DLG2: variants seen among roughly 807,000 people sequenced by gnomAD.
DLG2 encodes disks large homolog 2.
A neutral mutation model predicts 132.5 loss-of-function variants in DLG2; 45 were observed. The ratio of observed to expected loss-of-function variants is 0.34; its 90% CI spans 0.27 to 0.44. The LOEUF (loss-of-function observed/expected upper bound fraction) is 0.44. DLG2 is among the 20% of genes least tolerant of loss of function. DLG2 has a pLI of 1.00. For missense variants in DLG2, 1,045 were observed against 1,196.9 expected (o/e 0.87, Z 1.87); for synonymous variants, 424 against 419.6 (o/e 1.01, Z -0.13).
At chr11:85,486,201 G>A (rs899297265) in intron 3 of DLG2, among the ~76,000 whole-genome samples, 5 of 152,070 alleles carry the variant, frequency 3.3e-5, no homozygotes, top group African/African-American at 1.2e-4. Context: ...AGGGAAAGAG[G>A]AGACCAGGCA....
intron 18 of DLG2, among the ~76,000 whole-genome samples, chr11:83,774,086 T>C (rs1296284418): frequency 2.6e-5 from 4 of 152,256 alleles, no homozygotes; most frequent in East Asian, 1.9e-4. Context: ...CCTCCTACAC[T>C]CCCCATCCCT....
chr11:85,116,686 G>A (rs2073635992), intron 5 of DLG2, among the ~76,000 whole-genome samples: 1 of 151,930 alleles, frequency 6.6e-6, no homozygotes, highest in African/African-American at 2.4e-5. Flanking sequence ...GTGGAAATAT[G>A]TGCACAAAAT....
chr11:85,486,378 GA>G (rs1212285341), intron 3 of DLG2, among the ~76,000 whole-genome samples: 1 of 152,164 alleles, frequency 6.6e-6, no homozygotes, highest in Non-Finnish European at 1.5e-5. Flanking sequence ...AGCCCACAGG[GA>G]ACATTCCACC....
At chr11:83,841,341 T>C (rs1456646678) in intron 16 of DLG2, among the ~76,000 whole-genome samples, 3 of 152,238 alleles carry the variant, frequency 2.0e-5, no homozygotes, top group Non-Finnish European at 4.4e-5. Flanking sequence ...CTGAAGGCTC[T>C]GTTACTAATC....
chr11:85,071,853 G>A (rs1025106087), intron 6 of DLG2, among the ~76,000 whole-genome samples: 1 of 151,774 alleles, frequency 6.6e-6, no homozygotes, highest in Non-Finnish European at 1.5e-5. Context: ...TCTCTCTTGT[G>A]TTCAGAAATG....
intron 11 of DLG2, among the ~76,000 whole-genome samples, chr11:84,050,498 G>A (rs1029504670): frequency 1.4e-4 from 21 of 151,822 alleles, no homozygotes; most frequent in African/African-American, 2.7e-4. Context: ...AGTTTCTTTC[G>A]CTGTGCAGAA....
At chr11:84,713,486 T>A (rs572695020) in intron 6 of DLG2, among the ~76,000 whole-genome samples, 1 of 152,104 alleles carries the variant, frequency 6.6e-6, no homozygotes, top group Non-Finnish European at 1.5e-5. Flanking sequence ...CTCCTTAATG[T>A]ACCAATTTTG....
In DLG2 at chr11:83,743,449, T is replaced by TCTTTTTTTTTTTTTTTTTA. The variant is rs1555372680; in HGVS notation, c.1825+43240_1825+43241insTAAAAAAAAAAAAAAAAAG. Among the ~76,000 whole-genome samples the TCTTTTTTTTTTTTTTTTTA allele has an allele frequency of 5.6e-5, 7 of 124,108 alleles. No individual in the cohort carries two copies. The East Asian group carries it at 1.3e-3, about 23-fold the overall frequency. 81.4% of individuals were successfully genotyped at this position (124,108 alleles called of 152,430 possible). On this transcript the variant is annotated intron_variant, in intron 18 of 27. Transcript: ENST00000376104. ...AGGCCATTTTTTTTTTTTTTTTTTT[T>TCTTTTTTTTTTTTTTTTTA]ATGACAGGGTCTCACTTTGTCACCC...
At chr11:84,680,913 A>G (rs1014288361) in intron 6 of DLG2, among the ~76,000 whole-genome samples, 1 of 152,158 alleles carries the variant, frequency 6.6e-6, no homozygotes, top group Admixed American at 6.5e-5. Flanking sequence ...TCACCTTCTA[A>G]TCAATGCTTT....
chr11:84,986,445 A>G (rs1399552424), intron 6 of DLG2, among the ~76,000 whole-genome samples: 6 of 152,178 alleles, frequency 3.9e-5, no homozygotes, highest in Non-Finnish European at 1.5e-5. Context: ...TCACCCTAAT[A>G]CCAAAACCAG....
At chr11:83,791,225 C>T (rs539133462) in intron 17 of DLG2, 118 of 646,524 alleles carry the variant, frequency 1.8e-4, no homozygotes, top group Middle Eastern at 1.1e-3. Context: ...TGAGCTCTCA[C>T]GGCTTTAAAG....
In DLG2 at chr11:85,266,999, T is replaced by C. The variant is rs1297972218; in HGVS notation, c.186+18221A>G. On this transcript the variant is annotated intron_variant, in intron 4 of 27. Transcript: ENST00000376104. ...ATTCAAACTCAGTGGACTTCCTCTA[T>C]GCTCCCACAAAATTTTGCATCCATC... is the stretch of plus-strand genomic sequence containing the variant. Among the ~76,000 whole-genome samples the C allele has an allele frequency of 3.3e-5, 5 of 152,360 alleles. No homozygotes were observed. In the East Asian group the frequency reaches 9.6e-4, roughly 29 times the overall value.
At chr11:83,651,429 A>G (rs1225680441) in intron 18 of DLG2, among the ~76,000 whole-genome samples, 1 of 152,218 alleles carries the variant, frequency 6.6e-6, no homozygotes, top group African/African-American at 2.4e-5. Context: ...GAAACTGTCC[A>G]TTCTTCTCAT....
chr11:84,343,735 A>G (rs1307049964), intron 7 of DLG2, among the ~76,000 whole-genome samples: 1 of 152,238 alleles, frequency 6.6e-6, no homozygotes, highest in Non-Finnish European at 1.5e-5. Context: ...GGTAAAATAT[A>G]GAAAAATTTA....
chr11:84,244,887 A>C (rs1379150480), intron 8 of DLG2, among the ~76,000 whole-genome samples: 1 of 152,248 alleles, frequency 6.6e-6, no homozygotes, highest in Non-Finnish European at 1.5e-5. Flanking sequence ...ATCAGAGGCA[A>C]TTATGGAAAA....
chr11:84,063,864 C>T (rs7936569), intron 10 of DLG2, among the ~76,000 whole-genome samples: 120,122 of 151,056 alleles, frequency 0.8, 48,958 homozygotes, highest in Middle Eastern at 0.92. Context: ...ATCACAAGGA[C>T]CAAAAACCAA....
At chr11:85,433,014 C>T (rs569057350) in intron 3 of DLG2, among the ~76,000 whole-genome samples, 1 of 152,266 alleles carries the variant, frequency 6.6e-6, no homozygotes, top group African/African-American at 2.4e-5. Flanking sequence ...GGCCAATATT[C>T]AACATTCTTA....
chr11:85,603,890 C>T (rs932733575), intron 2 of DLG2, among the ~76,000 whole-genome samples: 2 of 152,168 alleles, frequency 1.3e-5, no homozygotes, highest in African/African-American at 2.4e-5. Flanking sequence ...GCACTCCAGC[C>T]TGGGCTACAG....
In DLG2 at chr11:84,534,681, T is replaced by C; in HGVS notation, c.408A>G (p.Arg136=). Residue 136 remains arginine (R), a synonymous_variant, in exon 7 of 28, where the codon CGA becomes CGG. Coordinates refer to ENST00000376104, the MANE Select transcript of DLG2 (RefSeq NM_001142699.3). ...EDAPHDHSLP[R]LTHEVRGPEL... ...CTGGGCCTCTTACTTCGTGGGTTAG[T>C]CGAGGTAAGGAATGATCATGTGGAG... 1 of 1,614,028 alleles carries C rather than the reference T, an allele frequency of 6.2e-7. No individual in the cohort carries two copies. Among genetic ancestry groups the C allele is most frequent in the East Asian group, 2.2e-5 (1 of 44,876 alleles).
Sources: allele counts gnomAD v4.1 joint callset (sites outside exome capture counted in the v4.1 genomes callset), GRCh38; gene constraint gnomAD v4.1.1; transcripts MANE v1.5; gene names NCBI Gene and HGNC (gene_info 2026-07-23, HGNC 2026-07-21).